The following WDR26 variants were observed in gnomAD, a reference collection of about 807,000 sequenced individuals.
WDR26 encodes the protein WD repeat domain 26.
In WDR26, 5 loss-of-function variants were observed where a neutral mutation model predicts 84.1. The ratio of observed to expected loss-of-function variants is 0.06; its 90% CI spans 0.03 to 0.13. WDR26 has a LOEUF of 0.13. Among genes scored for constraint, WDR26 ranks in the 10% least tolerant of loss-of-function variants. WDR26 has a pLI of 1.00. For missense variants in WDR26, 642 were observed against 974.9 expected (o/e 0.66, Z 4.55); for synonymous variants, 415 against 389.6 (o/e 1.07, Z -0.77).
At chr1:224,410,836 C>A (rs191424536) in intron 7 of WDR26, among the ~76,000 whole-genome samples, 81 of 151,588 alleles carry the variant, frequency 5.3e-4, no homozygotes, top group African/African-American at 1.9e-3. Flanking sequence ...ATAGCTGGGA[C>A]GACTGGTGTG....
intron 12 of WDR26, 126 bp downstream of exon 12, chr1:224,397,971 G>T: frequency 8.8e-7 from 1 of 1,133,334 alleles, no homozygotes; most frequent in Non-Finnish European, 1.2e-6. Context: ...AATTAACCGT[G>T]TATTGGATAA....
At chr1:224,399,133 G>GTT in intron 9 of WDR26, 99 bp from the exon 10 acceptor site, 1 of 1,195,018 alleles carries the variant, frequency 8.4e-7, no homozygotes, top group Non-Finnish European at 1.1e-6. Context: ...TTTAGTAACA[G>GTT]GTTTTTTTTT....
At chr1:224,398,463 A>G in intron 11 of WDR26, 52 bp downstream of exon 11, 1 of 1,475,308 alleles carries the variant, frequency 6.8e-7, no homozygotes, top group Admixed American at 2.2e-5. Context: ...AACAGTTAAA[A>G]TAAAACTTGT....
intron 6 of WDR26, among the ~76,000 whole-genome samples, chr1:224,412,488 T>C (rs1003968326): frequency 1.3e-5 from 2 of 152,210 alleles, no homozygotes; most frequent in African/African-American, 4.8e-5. Flanking sequence ...AAAATGACTA[T>C]AAACCATTTA....
At chr1:224,416,448 A>G (rs1043399574) in intron 6 of WDR26, among the ~76,000 whole-genome samples, 7 of 151,834 alleles carry the variant, frequency 4.6e-5, no homozygotes, top group Non-Finnish European at 8.8e-5. Context: ...GGATGGTCTC[A>G]ATCTCCTGAC....
chr1:224,434,043 C>CCCT lies in WDR26; in HGVS notation c.360_362dup (p.Gly125dup), dbSNP rs1422886717. On this transcript the variant is annotated inframe_insertion, in exon 1 of 14. Transcript: ENST00000414423. ...GGGTCTGTCCCTGGCCCCCGCCGCCCCCTCCTCCTCCACCGCCGCCGCCGC... is the reference window on the plus strand; with the variant it reads ...GGGTCTGTCCCTGGCCCCCGCCGCCCCCTCCTCCTCCTCCACCGCCGCCGCCGC... 4.1e-6 allele frequency: 6 copies of CCCT among 1,457,112 alleles called. No homozygotes were observed. The highest frequency in any genetic ancestry group is 2.8e-5 in the African/African-American group (2 of 70,644). 90.3% of individuals were successfully genotyped at this position (1,457,112 alleles called of 1,614,324 possible). A position where few individuals can be genotyped will look rare whatever the true frequency, so the allele number is the denominator to read the frequency against.
chr1:224,407,151 A>AAAAAAAAATAAATATATAT, intron 7 of WDR26, among the ~76,000 whole-genome samples: 1 of 11,876 alleles, frequency 8.4e-5, no homozygotes, highest in Non-Finnish European at 1.4e-4. Flanking sequence ...AAAAAAAAAA[A>AAAAAAAAATAAATATATAT]ATATATATAT....
chr1:224,415,111 C>T (rs958634652), intron 6 of WDR26, among the ~76,000 whole-genome samples: 4 of 152,148 alleles, frequency 2.6e-5, no homozygotes, highest in African/African-American at 7.2e-5. Context: ...GTGTATATAA[C>T]GTAATGTCTG....
At chr1:224,410,269 G>A (rs1387729243) in intron 7 of WDR26, among the ~76,000 whole-genome samples, 2 of 123,962 alleles carry the variant, frequency 1.6e-5, no homozygotes, top group Non-Finnish European at 3.2e-5. Context: ...GGACAAGAGC[G>A]AGACTTTGTC....
At chr1:224,401,690 G>GAAAAAAA (rs67543360) in intron 8 of WDR26, among the ~76,000 whole-genome samples, 45 of 83,948 alleles carry the variant, frequency 5.4e-4, no homozygotes, top group South Asian at 8.6e-4. Flanking sequence ...AAAAAAAAAA[G>GAAAAAAA]AAAAAAAAAA....
At chr1:224,391,359 G>A (rs1673118664) in intron 13 of WDR26, among the ~76,000 whole-genome samples, 1 of 92,052 alleles carries the variant, frequency 1.1e-5, no homozygotes, top group African/African-American at 5.6e-5. Flanking sequence ...GCAAAACTCT[G>A]TCTCAAAAAA....
chr1:224,414,137 C>T (rs918506286), intron 6 of WDR26, among the ~76,000 whole-genome samples: 6 of 147,510 alleles, frequency 4.1e-5, no homozygotes, highest in African/African-American at 1.5e-4. Context: ...GACTGAGTTT[C>T]GCTTGTTGCC....
At chr1:224,394,696 G>A (rs1673213993) in intron 12 of WDR26, among the ~76,000 whole-genome samples, 1 of 151,924 alleles carries the variant, frequency 6.6e-6, no homozygotes, top group Non-Finnish European at 1.5e-5. Context: ...AGTAGAGATG[G>A]GGTTTAGCCA....
intron 4 of WDR26, among the ~76,000 whole-genome samples, chr1:224,423,261 A>G (rs1348730074): frequency 1.3e-5 from 2 of 151,834 alleles, no homozygotes; most frequent in Non-Finnish European, 2.9e-5. Flanking sequence ...CTTGGCTAGA[A>G]CCTCCAATAC....
Position 224,434,622 on chromosome 1 carries a change from CG to C in WDR26, c.-218del. On this transcript the variant is annotated 5_prime_UTR_variant, in exon 1 of 14. Coordinates refer to ENST00000414423, the MANE Select transcript of WDR26 (RefSeq NM_001379403.1). ...GGGGTGCGCGGCCCGGGGGTCGCGCCGGGGGGCGCCGCGGGGCGGCTGCGGG... is the reference window on the plus strand; with the variant it reads ...GGGGTGCGCGGCCCGGGGGTCGCGCCGGGGGCGCCGCGGGGCGGCTGCGGG... 5.6e-6 allele frequency: 3 copies of C among 534,974 alleles called. No homozygotes were observed. The highest frequency in any genetic ancestry group is 8.0e-5 in the South Asian group (1 of 12,466). 33.1% of individuals were successfully genotyped at this position (534,974 alleles called of 1,614,324 possible). A position where few individuals can be genotyped will look rare whatever the true frequency, so the allele number is the denominator to read the frequency against.
At chr1:224,419,469 T>C (rs1373148381) in intron 5 of WDR26, 49 bp downstream of exon 5, 30 of 1,365,764 alleles carry the variant, frequency 2.2e-5, no homozygotes, top group Non-Finnish European at 3.0e-5. Flanking sequence ...ACTGTATCCA[T>C]TTGTAATCTA....
chr1:224,434,690 C>A lies in WDR26; in HGVS notation c.-285G>T. The stretch of plus-strand genomic sequence containing the variant: ...CTGGGCTGAGCCCCGGCAGTGGCTG[C>A]GGCGGCGGCGGCGGCGGGCGGCAGC... On this transcript the variant is annotated 5_prime_UTR_variant, in exon 1 of 14. Transcript: ENST00000414423. 1.4e-6 allele frequency: 1 copy of A among 705,780 alleles called. No individual in the cohort carries two copies. Among genetic ancestry groups the A allele is most frequent in the Non-Finnish European group, 1.7e-6 (1 of 577,428 alleles). The allele number at this position is 705,780 out of a possible 1,614,324, so 43.7% of individuals were successfully genotyped here.
rs1426570664 is a variant in WDR26, at chr1:224,413,207, AC to A, written c.1320-1643del. Reference sequence around the variant, plus strand: ...GTCTCAAACAACAACAACAACAAAAACCCCCCCCCCCAAAAAAAACGTTATT... The same window carrying A: ...GTCTCAAACAACAACAACAACAAAAACCCCCCCCCCAAAAAAAACGTTATT... On this transcript the variant is annotated intron_variant, in intron 6 of 13. Coordinates refer to ENST00000414423, the MANE Select transcript of WDR26 (RefSeq NM_001379403.1). 1,615 of 641,154 alleles carry A rather than the reference AC, an allele frequency of 2.5e-3. 40 individuals are homozygous for A. The highest frequency in any genetic ancestry group is 2.8e-3 in the Non-Finnish European group (1,334 of 479,656). 39.7% of individuals were successfully genotyped at this position (641,154 alleles called of 1,614,324 possible). A position where few individuals can be genotyped will look rare whatever the true frequency, so the allele number is the denominator to read the frequency against.
intron 4 of WDR26, among the ~76,000 whole-genome samples, chr1:224,420,295 G>T (rs1373959261): frequency 6.6e-6 from 1 of 152,214 alleles, no homozygotes; most frequent in Admixed American, 6.5e-5. Flanking sequence ...GAGAATACAT[G>T]AGGGGCCCCT....
Sources: gnomAD v4.1 joint callset for allele counts (sites outside exome capture counted in the v4.1 genomes callset) on GRCh38, gnomAD v4.1.1 for gene constraint, MANE v1.5 for transcripts, NCBI Gene and HGNC (gene_info 2026-07-23, HGNC 2026-07-21) for gene names.